The following RORA variants were observed in gnomAD, a reference collection of about 807,000 sequenced individuals.
RORA encodes nuclear receptor ROR-alpha.
In RORA, 7 loss-of-function variants were observed where a neutral mutation model predicts 69.5. The observed-to-expected ratio is 0.10, with a 90% confidence interval of 0.06 to 0.19. The LOEUF is 0.19. Ranked by LOEUF, RORA falls within the 10% of genes least tolerant of loss-of-function variation. The pLI is 1.00. For missense variants in RORA, 457 were observed against 663.0 expected, an observed-to-expected ratio of 0.69 and a Z score of 3.41; for synonymous variants, 261 against 240.8, an observed-to-expected ratio of 1.08 and a Z score of -0.78.
chr15:61,159,840 G>A (rs1030772514), intron 1 of RORA, among the ~76,000 whole-genome samples: 2 of 152,158 alleles, frequency 1.3e-5, no homozygotes, highest in African/African-American at 4.8e-5. Context: ...TGAATGAAAA[G>A]CATTTGTTTG....
chr15:60,852,180 T>C (rs781703476), intron 1 of RORA, among the ~76,000 whole-genome samples: 1 of 152,190 alleles, frequency 6.6e-6, no homozygotes, highest in Non-Finnish European at 1.5e-5. Context: ...GACACCATCA[T>C]GGGTGTTCTT....
chr15:61,022,138 C>T (rs748407434), intron 1 of RORA, among the ~76,000 whole-genome samples: 16 of 152,168 alleles, frequency 1.1e-4, no homozygotes, highest in Non-Finnish European at 1.5e-4. Context: ...CAACCATTTG[C>T]AGGCTCTATG....
chr15:60,931,785 C>T (rs982906397), intron 1 of RORA, among the ~76,000 whole-genome samples: 3 of 152,332 alleles, frequency 2.0e-5, no homozygotes, highest in African/African-American at 7.2e-5. Context: ...GCTCTTCTGC[C>T]TTATGAGGCT....
At chr15:60,908,239 G>T (rs528769859) in intron 1 of RORA, among the ~76,000 whole-genome samples, 1 of 152,362 alleles carries the variant, frequency 6.6e-6, no homozygotes, top group South Asian at 2.1e-4. Context: ...TGACCGTAGG[G>T]TGTGTGTGGA....
At chr15:60,877,490 C>T (rs1011469789) in intron 1 of RORA, among the ~76,000 whole-genome samples, 1 of 152,164 alleles carries the variant, frequency 6.6e-6, no homozygotes, top group South Asian at 2.1e-4. Flanking sequence ...GGGTGTGAGG[C>T]TGTTTTGATG....
At chr15:61,116,120 C>A (rs951617194) in intron 1 of RORA, among the ~76,000 whole-genome samples, 1 of 152,032 alleles carries the variant, frequency 6.6e-6, no homozygotes, top group Non-Finnish European at 1.5e-5. Context: ...GCAGGATGAA[C>A]CATTTTAGCA....
At chr15:60,749,305 A>G (rs922146415) in intron 1 of RORA, among the ~76,000 whole-genome samples, 14 of 152,374 alleles carry the variant, frequency 9.2e-5, no homozygotes, top group African/African-American at 3.4e-4. Context: ...TCTCTAAAAC[A>G]TAGATGTAAA....
intron 2 of RORA, among the ~76,000 whole-genome samples, chr15:60,580,854 C>A (rs2068172512): frequency 6.6e-6 from 1 of 152,184 alleles, no homozygotes; most frequent in Non-Finnish European, 1.5e-5. Context: ...TACTAGCATG[C>A]CTACAAAGAG....
chr15:61,101,834 C>A (rs1349675574), intron 1 of RORA, among the ~76,000 whole-genome samples: 1 of 151,828 alleles, frequency 6.6e-6, no homozygotes, highest in Non-Finnish European at 1.5e-5. Context: ...AGGACCTGGA[C>A]CGGGTGGGGA....
At chr15:61,107,610 A>G (rs1191544326) in intron 1 of RORA, among the ~76,000 whole-genome samples, 1 of 151,770 alleles carries the variant, frequency 6.6e-6, no homozygotes, top group Non-Finnish European at 1.5e-5. Context: ...CTCTGGAAGC[A>G]CCTAAGATCT....
rs1353844884 is a variant in RORA, at chr15:60,992,398, T to C, written c.166+236655A>G. Among the ~76,000 whole-genome samples, 3 of 150,968 alleles carry C rather than the reference T, an allele frequency of 2.0e-5. No homozygotes were observed. The South Asian group carries it at 6.3e-4, about 32-fold the overall frequency. ...TGTATTTCCTATGCTTGCCATAGGA[T>C]AAAGGGCCTACACGACCCATACATT... is the stretch of plus-strand genomic sequence containing the variant. On this transcript the variant is annotated intron_variant, in intron 1 of 10. Coordinates refer to ENST00000335670, the MANE Select transcript of RORA (RefSeq NM_134261.3).
intron 3 of RORA, chr15:60,519,982 A>G (rs2066108095): frequency 6.6e-6 from 1 of 152,166 alleles, no homozygotes; most frequent in East Asian, 1.9e-4. Flanking sequence ...TGTGGCTCGA[A>G]CCAATGTCCA....
chr15:60,600,129 T>C (rs886392828), intron 2 of RORA, among the ~76,000 whole-genome samples: 1 of 152,226 alleles, frequency 6.6e-6, no homozygotes, highest in Non-Finnish European at 1.5e-5. Flanking sequence ...ATTTTATTTT[T>C]TAAAGAACTA....
At chr15:61,052,575 G>A (rs2078029429) in intron 1 of RORA, among the ~76,000 whole-genome samples, 1 of 152,202 alleles carries the variant, frequency 6.6e-6, no homozygotes, top group African/African-American at 2.4e-5. Context: ...TTCTGAAAAT[G>A]GATTTGCTTT....
intron 2 of RORA, among the ~76,000 whole-genome samples, chr15:60,570,636 T>C (rs936632807): frequency 6.6e-6 from 1 of 152,150 alleles, no homozygotes; most frequent in African/African-American, 2.4e-5. Context: ...AGGTGTGAGC[T>C]ACTGCGCCTG....
intron 2 of RORA, among the ~76,000 whole-genome samples, chr15:60,616,962 G>A (rs886573445): frequency 6.6e-6 from 1 of 152,172 alleles, no homozygotes; most frequent in African/African-American, 2.4e-5. Context: ...TTACTATGAT[G>A]GGCAAGATTC....
chr15:61,175,169 C>T (rs757506797), intron 1 of RORA, among the ~76,000 whole-genome samples: 4 of 152,286 alleles, frequency 2.6e-5, no homozygotes, highest in South Asian at 2.1e-4. Context: ...GTCTAGAGCA[C>T]AGGGATCATC....
chr15:60,525,942 G>T (rs1390445348), intron 3 of RORA, among the ~76,000 whole-genome samples: 1 of 152,020 alleles, frequency 6.6e-6, no homozygotes, highest in Non-Finnish European at 1.5e-5. Flanking sequence ...GGAAAAAGAG[G>T]ATAACTTCAT....
chr15:61,179,004 T>G (rs892691134), intron 1 of RORA, among the ~76,000 whole-genome samples: 1 of 152,240 alleles, frequency 6.6e-6, no homozygotes, highest in South Asian at 2.1e-4. Flanking sequence ...TCTTTTCTCT[T>G]TTGTGGATTC....
Sources: allele counts gnomAD v4.1 joint callset (sites outside exome capture counted in the v4.1 genomes callset), GRCh38; gene constraint gnomAD v4.1.1; transcripts MANE v1.5; gene names NCBI Gene and HGNC (gene_info 2026-07-23, HGNC 2026-07-21).